FLT4: variants seen among roughly 807,000 people sequenced by gnomAD.
The protein encoded by FLT4 is fms related receptor tyrosine kinase 4.
Under a neutral mutation model 163.2 loss-of-function variants are expected in FLT4, and 30 were observed. That is an observed-to-expected ratio of 0.18 (90% confidence interval 0.14 to 0.25). The LOEUF is 0.25. Among genes scored for constraint, FLT4 ranks in the 10% least tolerant of loss-of-function variants. The pLI is 1.00. For missense variants in FLT4, 1,510 were observed against 1,863.8 expected (o/e 0.81, Z 3.50); for synonymous variants, 884 against 789.5 (o/e 1.12, Z -2.01).
chr5:180,624,089 G>C (rs762882810), intron 10 of FLT4, 28 bp from the exon 11 acceptor site: 1 of 1,608,548 alleles, frequency 6.2e-7, no homozygotes, highest in African/African-American at 1.3e-5. Context: ...GGCAAGGGCA[G>C]GTCAGGGATA....
Position 180,621,658 on chromosome 5 carries a change from G to A in FLT4, c.1904C>T (p.Thr635Met), listed in dbSNP as rs753863393. The change falls in exon 13 of 30, where the codon ACG becomes ATG. Residue 635 changes from threonine to methionine, a missense_variant. By Grantham distance (81) the Thr-to-Met change is moderately conservative. Coordinates refer to ENST00000261937, the MANE Select transcript of FLT4 (RefSeq NM_182925.5). ...GACGCGGGGGATACTCAGGCTGAGC[G>A]TGGCGTGGCGCGCCCCAGGTGCCAC... ...EEVAPGARHA[T>M]LSLSIPRVAP... 9 of 1,609,356 alleles carry A rather than the reference G, an allele frequency of 5.6e-6. No homozygotes were observed. The highest frequency in any genetic ancestry group is 1.3e-5 in the African/African-American group (1 of 74,994).
chr5:180,619,542 A>G (rs755236828), intron 18 of FLT4, 123 bp downstream of exon 18: 2 of 1,010,450 alleles, frequency 2.0e-6, no homozygotes, highest in Non-Finnish European at 3.2e-6. Context: ...GCCTCCCTGT[A>G]GAATCTCGGA....
chr5:180,632,987 G>GC (rs1328799658), intron 1 of FLT4, among the ~76,000 whole-genome samples: 2 of 151,886 alleles, frequency 1.3e-5, no homozygotes, highest in Non-Finnish European at 2.9e-5. Context: ...CCACTCTTCT[G>GC]CCCCCAGGCC....
At chr5:180,639,437 G>A (rs1581705316) in intron 1 of FLT4, among the ~76,000 whole-genome samples, 2 of 151,950 alleles carry the variant, frequency 1.3e-5, no homozygotes, top group East Asian at 3.9e-4. Flanking sequence ...ATCAACAGAT[G>A]GAAGGATGCA....
chr5:180,634,231 TAG>T (rs1764385251), intron 1 of FLT4, among the ~76,000 whole-genome samples: 1 of 152,244 alleles, frequency 6.6e-6, no homozygotes, highest in African/African-American at 2.4e-5. Flanking sequence ...CTTTAGGGTC[TAG>T]TTCAGACGCC....
At chr5:180,637,812 G>T (rs1322608549) in intron 1 of FLT4, among the ~76,000 whole-genome samples, 1 of 152,138 alleles carries the variant, frequency 6.6e-6, no homozygotes, top group Non-Finnish European at 1.5e-5. Context: ...TTACAGGTGT[G>T]GGCCACCATG....
At chr5:180,627,967 C>T (rs1168115841) in intron 8 of FLT4, among the ~76,000 whole-genome samples, 1 of 152,122 alleles carries the variant, frequency 6.6e-6, no homozygotes, top group Non-Finnish European at 1.5e-5. Flanking sequence ...CTGGGCCTTC[C>T]ATCCCAGGAG....
In FLT4 at chr5:180,616,494, G is replaced by T; in HGVS notation, c.3097-5C>A. On this transcript the variant is annotated splice_polypyrimidine_tract_variant and splice_region_variant and intron_variant, in intron 22 of 29. Transcript: ENST00000261937. ...AGCCAGGTCTCTGTGGATGCACTGG[G>T]GTGCGGGGAGGCGGCAGGGGGGCTG... 1 of 1,613,604 alleles carries T rather than the reference G, an allele frequency of 6.2e-7. No homozygotes were observed. The highest frequency in any genetic ancestry group is 8.5e-7 in the Non-Finnish European group (1 of 1,179,954).
intron 21 of FLT4, 70 bp downstream of exon 21, chr5:180,618,700 G>GGGTTTCCCTA (rs3214903): frequency 1.3e-6 from 2 of 1,517,208 alleles, no homozygotes; most frequent in Non-Finnish European, 1.8e-6. Context: ...ACCCCAGGCT[G>GGGTTTCCCTA]GGGTGCCTGA....
In FLT4 at chr5:180,613,087, G is replaced by A. The variant is rs2127795681; in HGVS notation, c.3355C>T (p.Gln1119Ter). 6.2e-7 allele frequency: 1 copy of A among 1,613,446 alleles called. No individual in the cohort carries two copies. The highest frequency in any genetic ancestry group is 8.5e-7 in the Non-Finnish European group (1 of 1,179,702). The change falls in exon 25 of 30, where the codon CAG becomes TAG. Residue 1119 changes from glutamine (Q) to a stop codon, truncating the protein, a stop_gained. Transcript: ENST00000261937. LOFTEE classifies it high-confidence loss of function. ...CGCTGGCAGAACTCCTCATTGATCT[G>A]CACCCCAGGGTACGGGGAGGCCCCT... is the stretch of plus-strand genomic sequence containing the variant. ...SLGASPYPGV[Q>*]INEEFCQRLR...
chr5:180,645,925 G>A (rs914433092), intron 1 of FLT4, among the ~76,000 whole-genome samples: 25 of 152,156 alleles, frequency 1.6e-4, no homozygotes, highest in Admixed American at 5.2e-4. Context: ...CCCCAACTCC[G>A]AGGGGCATCT....
At chr5:180,624,293 C>G (rs1283900449) in intron 10 of FLT4, among the ~76,000 whole-genome samples, 1 of 149,632 alleles carries the variant, frequency 6.7e-6, no homozygotes, top group Admixed American at 6.6e-5. Context: ...ATGGCACAAT[C>G]TCAGCTCACC....
Position 180,616,774 on chromosome 5 carries a change from T to G in FLT4, c.3096+126A>C, listed in dbSNP as rs896143466. The stretch of plus-strand genomic sequence containing the variant: ...ATGCTTTGGGCAGAGTTTCCTCCTC[T>G]GCAAAGTGGGAGAGACACTGATGGA... On this transcript the variant is annotated intron_variant, in intron 22 of 29. Transcript: ENST00000261937. 3 of 900,528 alleles carry G rather than the reference T, an allele frequency of 3.3e-6. 1 individual carries two copies. The highest frequency in any genetic ancestry group is 3.3e-5 in the African/African-American group (2 of 61,306). 55.8% of individuals were successfully genotyped at this position (900,528 alleles called of 1,614,324 possible).
chr5:180,638,723 C>T (rs899514175), intron 1 of FLT4, among the ~76,000 whole-genome samples: 1 of 152,234 alleles, frequency 6.6e-6, no homozygotes, highest in African/African-American at 2.4e-5. Flanking sequence ...TGACTTCTCA[C>T]GCTAAGGACT....
rs2127791754 is a variant in FLT4, at chr5:180,611,455, G to A, written c.3562C>T (p.Pro1188Ser). The change falls in exon 27 of 30, where the codon CCG becomes TCG. Residue 1188 changes from proline (P) to serine (S), a missense_variant. By Grantham distance (74) the Pro-to-Ser change is moderately conservative (BLOSUM62 -1). Transcript: ENST00000261937. ...TCTTCTGAGCTCTGAGAGCTGCGCG[G>A]GGCCATGCAGACCTCCTCTTCCTCC... ...LQEEEEVCMA[P>S]RSSQSSEEGS... is the part of the protein sequence containing the mutation. 1 of 1,613,952 alleles carries A rather than the reference G, an allele frequency of 6.2e-7. No homozygotes were observed. Among genetic ancestry groups the A allele is most frequent in the Non-Finnish European group, 8.5e-7 (1 of 1,179,964 alleles).
chr5:180,621,028 G>A (rs2127814362), intron 14 of FLT4, 21 bp from the exon 15 acceptor site: 3 of 1,611,316 alleles, frequency 1.9e-6, no homozygotes, highest in African/African-American at 1.3e-5. Context: ...TGGGGTGGAG[G>A]TGCGGGTCCA....
At chr5:180,637,013 C>T (rs1764738388) in intron 1 of FLT4, among the ~76,000 whole-genome samples, 1 of 152,092 alleles carries the variant, frequency 6.6e-6, no homozygotes. Context: ...GTTCAGGGTG[C>T]TCCTCCCCTC....
chr5:180,606,566 C>T (rs1012799601), intron 29 of FLT4, among the ~76,000 whole-genome samples: 7 of 152,232 alleles, frequency 4.6e-5, no homozygotes, highest in Admixed American at 1.3e-4. Context: ...GAGCGGCCTT[C>T]TTTGATCTCA....
intron 8 of FLT4, 48 bp downstream of exon 8, chr5:180,628,833 TG>T: frequency 7.5e-7 from 1 of 1,333,250 alleles, no homozygotes; most frequent in Non-Finnish European, 1.1e-6. Context: ...GTTTTGCCCC[TG>T]GACTTGGAAG....
Sources: gnomAD v4.1 joint callset for allele counts (sites outside exome capture counted in the v4.1 genomes callset) on GRCh38, gnomAD v4.1.1 for gene constraint, MANE v1.5 for transcripts, NCBI Gene and HGNC (gene_info 2026-07-23, HGNC 2026-07-21) for gene names.